SPNS2: variants seen among roughly 807,000 people sequenced by gnomAD.
SPNS2 encodes sphingosine-1-phosphate transporter SPNS2.
A neutral mutation model predicts 57.6 loss-of-function variants in SPNS2; 37 were observed. That is an observed-to-expected ratio of 0.64 (90% confidence interval 0.49 to 0.85). The LOEUF is 0.85. SPNS2 is among the 40% of genes least tolerant of loss of function. The pLI, the probability that SPNS2 is intolerant of heterozygous loss-of-function variation, is 0.00. For synonymous variants in SPNS2, 440 were observed against 346.9 expected, an observed-to-expected ratio of 1.27 and a Z score of -2.98; for missense variants, 831 against 779.1, an observed-to-expected ratio of 1.07 and a Z score of -0.79.
chr17:4,528,263 T>C (rs959126738), intron 3 of SPNS2, among the ~76,000 whole-genome samples: 1 of 152,056 alleles, frequency 6.6e-6, no homozygotes, highest in African/African-American at 2.4e-5. Context: ...CCTCAGGTGA[T>C]CCTACCGCCT....
intron 1 of SPNS2, among the ~76,000 whole-genome samples, chr17:4,508,984 CG>C (rs1486207513): frequency 6.6e-6 from 1 of 152,030 alleles, no homozygotes; most frequent in Non-Finnish European, 1.5e-5. Flanking sequence ...GCCGGCTGGC[CG>C]GCAGGGGCTG....
intron 1 of SPNS2, among the ~76,000 whole-genome samples, chr17:4,506,654 GGT>G (rs1904685799): frequency 6.6e-6 from 1 of 152,184 alleles, no homozygotes; most frequent in Non-Finnish European, 1.5e-5. Context: ...GCTCCAGGGT[GGT>G]GTCTCTCTAG....
intron 5 of SPNS2, among the ~76,000 whole-genome samples, 191 bp downstream of exon 5, chr17:4,531,310 G>GT (rs2144362696): frequency 6.6e-6 from 1 of 152,348 alleles, no homozygotes; most frequent in African/African-American, 2.4e-5. Flanking sequence ...CCCGATTGAG[G>GT]TGTCAGAGCC....
At chr17:4,507,166 G>T (rs763042281) in intron 1 of SPNS2, among the ~76,000 whole-genome samples, 3 of 152,200 alleles carry the variant, frequency 2.0e-5, no homozygotes, top group Non-Finnish European at 2.9e-5. Context: ...TGTAATTACC[G>T]GGGTGGGAGC....
chr17:4,536,630 A>G lies in SPNS2; in HGVS notation c.1607+204A>G, dbSNP rs1905825343. 8.0e-5 allele frequency: 57 copies of G among 714,156 alleles called. No homozygotes were observed. In the South Asian group the frequency reaches 1.0e-3, roughly 13 times the overall value. 44.2% of individuals were successfully genotyped at this position (714,156 alleles called of 1,614,324 possible). A position where few individuals can be genotyped will look rare whatever the true frequency, so the allele number is the denominator to read the frequency against. ...GGGAGGCCACGGGGGTGTCTGGTGG[A>G]TCCAGACTTGGGTTTGTCTCTGGAC... On this transcript the variant is annotated intron_variant, in intron 11 of 12. Coordinates refer to ENST00000329078, the MANE Select transcript of SPNS2 (RefSeq NM_001124758.3).
In SPNS2 at chr17:4,538,607, A is replaced by T; in HGVS notation, c.*1159A>T. On this transcript the variant is annotated 3_prime_UTR_variant, in exon 13 of 13. Coordinates refer to ENST00000329078, the MANE Select transcript of SPNS2 (RefSeq NM_001124758.3). Reference sequence around the variant, plus strand: ...CACCCACTCCCTGCACTTCTGCTGCAATCAAGGTGGTTCTGGTGCGGGGGT... The same window carrying T: ...CACCCACTCCCTGCACTTCTGCTGCTATCAAGGTGGTTCTGGTGCGGGGGT... 2.2e-6 allele frequency: 1 copy of T among 449,652 alleles called. No individual in the cohort carries two copies. Among genetic ancestry groups the T allele is most frequent in the African/African-American group, 2.0e-5 (1 of 50,412 alleles). 27.9% of individuals were successfully genotyped at this position (449,652 alleles called of 1,614,324 possible).
chr17:4,532,922 C>A, intron 6 of SPNS2, 55 bp from the exon 7 acceptor site: 1 of 1,575,780 alleles, frequency 6.3e-7, no homozygotes, highest in Non-Finnish European at 8.6e-7. Flanking sequence ...ATGGGGCTGC[C>A]TAGGGGGGTG....
chr17:4,522,342 G>A (rs1044856488), intron 2 of SPNS2, among the ~76,000 whole-genome samples: 2 of 152,202 alleles, frequency 1.3e-5, no homozygotes, highest in African/African-American at 2.4e-5. Flanking sequence ...GGGAAGGAGC[G>A]GAGGTGAATT....
At chr17:4,529,628 G>A (rs189573912) in intron 3 of SPNS2, among the ~76,000 whole-genome samples, 26 of 152,040 alleles carry the variant, frequency 1.7e-4, no homozygotes, top group South Asian at 1.0e-3. Flanking sequence ...GTGAGATCGC[G>A]CCACTGCACT....
At chr17:4,516,685 G>A (rs1597362938) in intron 2 of SPNS2, among the ~76,000 whole-genome samples, 1 of 152,216 alleles carries the variant, frequency 6.6e-6, no homozygotes, top group African/African-American at 2.4e-5. Flanking sequence ...GTGTGAGATC[G>A]AGTAGATGTG....
In SPNS2 at chr17:4,499,028, C is replaced by A; in HGVS notation, c.-20C>A. 2 of 1,000,270 alleles carry A rather than the reference C, an allele frequency of 2.0e-6. No homozygotes were observed. Among genetic ancestry groups the A allele is most frequent in the Non-Finnish European group, 2.4e-6 (2 of 841,098 alleles). 62.0% of individuals were successfully genotyped at this position (1,000,270 alleles called of 1,614,324 possible). On this transcript the variant is annotated 5_prime_UTR_variant, in exon 1 of 13. Transcript: ENST00000329078. This position sits in a 1 kb window ranked among gnomAD's most constrained non-coding sequence, Gnocchi z 5.2. ...GGCCCCGCGCCCCCCGCGCCCCCCG[C>A]CGCCCCGATCCGGGCCGGCATGATG...
At chr17:4,500,407 AT>A (rs1419081234) in intron 1 of SPNS2, among the ~76,000 whole-genome samples, 1 of 152,012 alleles carries the variant, frequency 6.6e-6, no homozygotes, top group Non-Finnish European at 1.5e-5. Flanking sequence ...AGGGGTAAGA[AT>A]TTGCCCTAGA....
intron 2 of SPNS2, among the ~76,000 whole-genome samples, chr17:4,518,906 G>A (rs1176313275): frequency 6.6e-6 from 1 of 152,330 alleles, no homozygotes; most frequent in African/African-American, 2.4e-5. Flanking sequence ...TTCACCCTGA[G>A]GCCTGAGAGC....
Position 4,519,769 on chromosome 17 carries a change from C to T in SPNS2, c.437-5288C>T, listed in dbSNP as rs540085531. On this transcript the variant is annotated intron_variant, in intron 2 of 12. Transcript: ENST00000329078. The stretch of plus-strand genomic sequence containing the variant: ...GAAGCTTCTAGCTTGGAGGCCCAGC[C>T]CAGGCTGGTCTTTATTCTCAGCAGA... Among the ~76,000 whole-genome samples the T allele has an allele frequency of 9.8e-5, 15 of 152,368 alleles. No individual in the cohort carries two copies. In the South Asian group the frequency reaches 2.7e-3, roughly 27 times the overall value.
chr17:4,506,295 C>T (rs941207086), intron 1 of SPNS2, among the ~76,000 whole-genome samples: 1 of 152,164 alleles, frequency 6.6e-6, no homozygotes, highest in African/African-American at 2.4e-5. Context: ...GGGAGCCATT[C>T]TGAGGTCTCT....
chr17:4,507,892 T>C (rs776314542), intron 1 of SPNS2, among the ~76,000 whole-genome samples: 2 of 152,194 alleles, frequency 1.3e-5, no homozygotes, highest in Non-Finnish European at 2.9e-5. Flanking sequence ...TCAGTGTGGA[T>C]TTCCTCTTAC....
In SPNS2 at chr17:4,536,067, G is replaced by A; in HGVS notation, c.1345-9G>A. On this transcript the variant is annotated splice_polypyrimidine_tract_variant and intron_variant, in intron 9 of 12. Transcript: ENST00000329078. ...CCTCTGGCCGCTGACCTGCCCGCCTGTTCCGCAGTACGTGGTCATCCCCAC... is the reference window on the plus strand; with the variant it reads ...CCTCTGGCCGCTGACCTGCCCGCCTATTCCGCAGTACGTGGTCATCCCCAC... The A allele has an allele frequency of 1.2e-6, 2 of 1,609,114 alleles. No homozygotes were observed. The highest frequency in any genetic ancestry group is 1.7e-6 in the Non-Finnish European group (2 of 1,178,864).
At chr17:4,519,688 C>T (rs1040733925) in intron 2 of SPNS2, among the ~76,000 whole-genome samples, 1 of 149,618 alleles carries the variant, frequency 6.7e-6, no homozygotes, top group Non-Finnish European at 1.5e-5. Flanking sequence ...CCAGTCTGCC[C>T]AGAAAGCTCT....
rs1000336248 is a variant in SPNS2, at chr17:4,499,131, G to C, written c.84G>C (p.Arg28=). The change falls in exon 1 of 13, where the codon CGG becomes CGC. Residue 28 remains arginine, a synonymous_variant. Transcript: ENST00000329078. This position sits in a 1 kb window ranked among gnomAD's most constrained non-coding sequence, Gnocchi z 5.2. Reference sequence around the variant, plus strand: ...ACGCGGAGCGGCGGCGCCGGCGCCGGGGGGCGCAGCGAGGGGCTGGCGGTA... The same window carrying C: ...ACGCGGAGCGGCGGCGCCGGCGCCGCGGGGCGCAGCGAGGGGCTGGCGGTA... ...EADAERRRRR[R]GAQRGAGGSG... The C allele has an allele frequency of 1.7e-6, 2 of 1,151,428 alleles. No homozygotes were observed. Among genetic ancestry groups the C allele is most frequent in the African/African-American group, 1.6e-5 (1 of 61,106 alleles). 71.3% of individuals were successfully genotyped at this position (1,151,428 alleles called of 1,614,324 possible). A position where few individuals can be genotyped will look rare whatever the true frequency, so the allele number is the denominator to read the frequency against.
Sources: gnomAD v4.1 joint callset for allele counts (sites outside exome capture counted in the v4.1 genomes callset) on GRCh38, gnomAD v4.1.1 for gene constraint, Gnocchi (gnomAD v3.1) non-coding constraint, MANE v1.5 for transcripts, NCBI Gene and HGNC (gene_info 2026-07-23, HGNC 2026-07-21) for gene names.